Variants in PPP6R3 observed in about 807,000 individuals in gnomAD.
PPP6R3 encodes the protein protein phosphatase 6 regulatory subunit 3.
A neutral mutation model predicts 110.7 loss-of-function variants in PPP6R3; 38 were observed. That is an observed-to-expected ratio of 0.34 (90% CI 0.26 to 0.45). The LOEUF is 0.45. Ranked by LOEUF, PPP6R3 falls within the 20% of genes least tolerant of loss-of-function variation. The pLI is 1.00. For missense variants in PPP6R3, 870 were observed against 1,062.4 expected, an observed-to-expected ratio of 0.82 and a Z score of 2.52; for synonymous variants, 369 against 373.5, an observed-to-expected ratio of 0.99 and a Z score of 0.14.
rs563599989 is a variant in PPP6R3 at position 68,582,919 on chromosome 11, G to C, written c.1546-124G>C. On this transcript the variant is annotated intron_variant, in intron 14 of 23. Transcript: ENST00000393800. ...CGGGTTTGGCAGCTTAACTGTGACT[G>C]ACTTTCATTTTTTTCTGTTACACGT... 6.4e-6 allele frequency: 5 copies of C among 784,974 alleles called. No homozygotes were observed. The East Asian group carries it at 1.4e-4, about 23-fold the overall frequency. The allele number at this position is 784,974 out of a possible 1,614,324, so 48.6% of individuals were successfully genotyped here. A position where few individuals can be genotyped will look rare whatever the true frequency, so the allele number is the denominator to read the frequency against.
intron 1 of PPP6R3, among the ~76,000 whole-genome samples, chr11:68,507,244 G>A (rs1206806396): frequency 8.2e-6 from 1 of 122,320 alleles, no homozygotes; most frequent in Non-Finnish European, 1.7e-5. Context: ...TAGTCTTTTT[G>A]CATTTTTTTT....
chr11:68,499,747 G>A (rs1243844121), intron 1 of PPP6R3, among the ~76,000 whole-genome samples: 1 of 151,916 alleles, frequency 6.6e-6, no homozygotes, highest in African/African-American at 2.4e-5. Flanking sequence ...GCTCAGTTTT[G>A]TATATTTTGT....
chr11:68,608,069 TATA>T (rs1941314613), intron 22 of PPP6R3, among the ~76,000 whole-genome samples: 1 of 147,234 alleles, frequency 6.8e-6, no homozygotes, highest in African/African-American at 2.5e-5. Flanking sequence ...AAACAGAAAC[TATA>T]ATGCAAAGAG....
intron 1 of PPP6R3, among the ~76,000 whole-genome samples, chr11:68,511,127 G>A (rs2099106781): frequency 1.3e-5 from 2 of 150,028 alleles, no homozygotes; most frequent in African/African-American, 4.9e-5. Context: ...GAGTGCAATG[G>A]TGTGATCTCA....
intron 7 of PPP6R3, 110 bp downstream of exon 7, chr11:68,554,367 A>G: frequency 1.2e-6 from 1 of 801,800 alleles, no homozygotes; most frequent in African/African-American, 1.8e-5. Context: ...GTGCCTTGAA[A>G]ATAACCTTGG....
intron 1 of PPP6R3, among the ~76,000 whole-genome samples, chr11:68,516,887 T>C (rs1283250163): frequency 6.6e-6 from 1 of 152,170 alleles, no homozygotes; most frequent in African/African-American, 2.4e-5. Flanking sequence ...CTTCTTTTCC[T>C]ATAGTAGCCA....
chr11:68,501,227 G>A (rs553178311), intron 1 of PPP6R3, among the ~76,000 whole-genome samples: 9 of 152,282 alleles, frequency 5.9e-5, no homozygotes, highest in African/African-American at 2.2e-4. Context: ...TGAATTTGTA[G>A]TGTTCTCCAG....
chr11:68,615,334 A>C lies in PPP6R3; in HGVS notation c.*2217A>C. On this transcript the variant is annotated 3_prime_UTR_variant, in exon 24 of 24. Coordinates refer to ENST00000393800, the MANE Select transcript of PPP6R3 (RefSeq NM_001164161.2). ...AAAGCCTGATTCTTTGTTTCTAGAA[A>C]TCTCTTGTACCTTGCTTGGATTTTT... The C allele has an allele frequency of 2.8e-6, 1 of 353,952 alleles. No homozygotes were observed. Among genetic ancestry groups the C allele is most frequent in the Non-Finnish European group, 5.5e-6 (1 of 181,056 alleles). The allele number at this position is 353,952 out of a possible 1,614,324, so 21.9% of individuals were successfully genotyped here. A position where few individuals can be genotyped will look rare whatever the true frequency, so the allele number is the denominator to read the frequency against.
intron 1 of PPP6R3, among the ~76,000 whole-genome samples, chr11:68,465,216 C>T (rs755961668): frequency 6.6e-6 from 1 of 152,160 alleles, no homozygotes; most frequent in East Asian, 1.9e-4. Context: ...AAGACCTATT[C>T]CCAGAGAATT....
chr11:68,580,856 C>A (rs1288771118), intron 14 of PPP6R3, among the ~76,000 whole-genome samples: 1 of 140,282 alleles, frequency 7.1e-6, no homozygotes, highest in African/African-American at 2.6e-5. Flanking sequence ...ACTGCAAGCT[C>A]CGCCTCCTGG....
chr11:68,487,595 T>A (rs1200748085), intron 1 of PPP6R3, among the ~76,000 whole-genome samples: 1 of 152,148 alleles, frequency 6.6e-6, no homozygotes, highest in East Asian at 1.9e-4. Flanking sequence ...TATTTTTTTT[T>A]ATTTAGTTAA....
chr11:68,588,615 A>G lies in PPP6R3; in HGVS notation c.1730+591A>G, dbSNP rs2099586138. On this transcript the variant is annotated intron_variant, in intron 16 of 23. Coordinates refer to ENST00000393800, the MANE Select transcript of PPP6R3 (RefSeq NM_001164161.2). ...TGGGACTACAGGTACCCGCCACCGCACCTGGCTAATTTGTTGTATTTTTAG... is the reference window on the plus strand; with the variant it reads ...TGGGACTACAGGTACCCGCCACCGCGCCTGGCTAATTTGTTGTATTTTTAG... 4.6e-5 allele frequency among the ~76,000 whole-genome samples: 7 copies of G among 151,574 alleles called. No individual in the cohort carries two copies. In the South Asian group the frequency reaches 1.5e-3, roughly 32 times the overall value.
chr11:68,575,202 C>T (rs1346913023), intron 13 of PPP6R3, among the ~76,000 whole-genome samples: 10 of 152,216 alleles, frequency 6.6e-5, no homozygotes, highest in Non-Finnish European at 7.3e-5. Context: ...ATGGAAGCTG[C>T]TTGCCAGGTG....
intron 1 of PPP6R3, among the ~76,000 whole-genome samples, chr11:68,468,151 T>C (rs756798231): frequency 2.6e-5 from 4 of 152,240 alleles, no homozygotes; most frequent in Non-Finnish European, 5.9e-5. Flanking sequence ...GCCCCGGTGA[T>C]TCCATAGGAT....
rs781080577 is a variant in PPP6R3, at chr11:68,548,201, G to C, written c.549G>C (p.Leu183=). ...CTCCACAGCCCAGGCAAGATGTGCT[G>C]AATGTGAGTAGAATTCTGACCTGCT... is the stretch of plus-strand genomic sequence containing the variant. ...IEPPQPRQDV[L]NWLNEEKIIQ... The change falls in exon 5 of 24, where the codon CTG becomes CTC. Residue 183 remains leucine (L), a synonymous_variant. Coordinates refer to ENST00000393800, the MANE Select transcript of PPP6R3 (RefSeq NM_001164161.2). The C allele has an allele frequency of 5.6e-6, 9 of 1,613,820 alleles. No homozygotes were observed. In the East Asian group the frequency reaches 1.8e-4, roughly 32 times the overall value.
intron 7 of PPP6R3, 92 bp downstream of exon 7, chr11:68,554,349 G>A: frequency 1.1e-6 from 1 of 933,058 alleles, no homozygotes; most frequent in Non-Finnish European, 1.6e-6. Flanking sequence ...TCCTTATGTG[G>A]GAATCATGTG....
chr11:68,614,296 G>A lies in PPP6R3; in HGVS notation c.*1179G>A, dbSNP rs1390826510. 1 of 1,044,666 alleles carries A rather than the reference G, an allele frequency of 9.6e-7. No homozygotes were observed. Among genetic ancestry groups the A allele is most frequent in the Admixed American group, 5.4e-5 (1 of 18,526 alleles). 64.7% of individuals were successfully genotyped at this position (1,044,666 alleles called of 1,614,324 possible). On this transcript the variant is annotated 3_prime_UTR_variant, in exon 24 of 24. Transcript: ENST00000393800. ...TTCAATGTAATTTATAATTTTCTAT[G>A]TCAATACAAAAATACATCACAGCCT... is the stretch of plus-strand genomic sequence containing the variant.
chr11:68,484,633 G>A (rs1424047522), intron 1 of PPP6R3, among the ~76,000 whole-genome samples: 1 of 151,752 alleles, frequency 6.6e-6, no homozygotes, highest in Non-Finnish European at 1.5e-5. Context: ...TGTTGCCCAG[G>A]GTGGAGTGTA....
At chr11:68,560,737 T>C (rs1273564426) in intron 8 of PPP6R3, among the ~76,000 whole-genome samples, 1 of 152,128 alleles carries the variant, frequency 6.6e-6, no homozygotes, top group African/African-American at 2.4e-5. Context: ...GAACAAAAGC[T>C]ATATTTGTTC....
Sources: allele counts gnomAD v4.1 joint callset (sites outside exome capture counted in the v4.1 genomes callset), GRCh38; gene constraint gnomAD v4.1.1; transcripts MANE v1.5; gene names NCBI Gene and HGNC (gene_info 2026-07-23, HGNC 2026-07-21).